AUH: variants seen among roughly 807,000 people sequenced by gnomAD.
AUH encodes methylglutaconyl-CoA hydratase, mitochondrial.
A neutral mutation model predicts 42.3 loss-of-function variants in AUH; 29 were observed. The ratio of observed to expected loss-of-function variants is 0.69; its 90% CI spans 0.51 to 0.93. The LOEUF (loss-of-function observed/expected upper bound fraction) is 0.93, where lower values mean the gene tolerates loss of function less well. Ranked by LOEUF, AUH falls within the 40% of genes least tolerant of loss-of-function variation. The probability of loss-of-function intolerance (pLI) is 0.00; values close to 1 mark genes in which losing one functional copy is unlikely to be tolerated. For synonymous variants in AUH, 174 were observed against 166.4 expected, an observed-to-expected ratio of 1.05 and a Z score of -0.35; for missense variants, 452 against 438.1, an observed-to-expected ratio of 1.03 and a Z score of -0.28.
At chr9:91,232,568 T>C (rs892477402) in intron 6 of AUH, among the ~76,000 whole-genome samples, 1 of 152,206 alleles carries the variant, frequency 6.6e-6, no homozygotes, top group East Asian at 1.9e-4. Context: ...AAAGGTACTA[T>C]GTGAAGTTTC....
At chr9:91,293,711 A>G (rs780863560) in intron 6 of AUH, among the ~76,000 whole-genome samples, 1 of 152,266 alleles carries the variant, frequency 6.6e-6, no homozygotes, top group Non-Finnish European at 1.5e-5. Flanking sequence ...AAGCTGCAGC[A>G]AATTATCCAG....
intron 1 of AUH, among the ~76,000 whole-genome samples, chr9:91,356,573 C>T (rs1832433174): frequency 6.6e-6 from 1 of 152,158 alleles, no homozygotes; most frequent in Non-Finnish European, 1.5e-5. Flanking sequence ...AAGCTTCTCT[C>T]CTGATTTCTG....
At position 91,331,290 on chromosome 9, in the gene AUH, T is replaced by C. The variant is rs114421512; in HGVS notation, c.419-5886A>G. ...GGTGACCATGTCACAATATTCGATG[T>C]CATAAATACCATTCTATTTGAGAAT... On this transcript the variant is annotated intron_variant, in intron 3 of 9. Coordinates refer to ENST00000375731, the MANE Select transcript of AUH (RefSeq NM_001698.3). Among the ~76,000 whole-genome samples, 148 of 152,372 alleles carry C rather than the reference T, an allele frequency of 9.7e-4. 1 individual carries two copies. Among genetic ancestry groups the C allele is most frequent in the African/African-American group, 3.4e-3 (140 of 41,584 alleles).
intron 9 of AUH, among the ~76,000 whole-genome samples, chr9:91,215,213 A>T (rs1455195688): frequency 6.6e-6 from 1 of 152,212 alleles, no homozygotes; most frequent in Non-Finnish European, 1.5e-5. Flanking sequence ...AAAGACAAAA[A>T]AGGGAAAACA....
At chr9:91,233,457 A>C (rs1828003760) in intron 6 of AUH, among the ~76,000 whole-genome samples, 1 of 152,194 alleles carries the variant, frequency 6.6e-6, no homozygotes, top group Admixed American at 6.5e-5. Context: ...ACAAGAAGCC[A>C]CTGAACATCT....
intron 3 of AUH, among the ~76,000 whole-genome samples, chr9:91,338,167 T>C (rs1587890799): frequency 6.6e-6 from 1 of 152,350 alleles, no homozygotes; most frequent in East Asian, 1.9e-4. Context: ...GATGTCACTT[T>C]TCCTCAAAGT....
Position 91,222,878 on chromosome 9 carries a change from T to A in AUH, c.656-1886A>T, listed in dbSNP as rs79856201. Among the ~76,000 whole-genome samples the A allele has an allele frequency of 3.9e-3, 600 of 152,332 alleles. 4 individuals are homozygous for A. The highest frequency in any genetic ancestry group is 0.01 in the Middle Eastern group (3 of 294). ...CACAATTAACAAATGTGACCCACAT[T>A]GTTAATGTCACACTTTTTATTCAAC... On this transcript the variant is annotated intron_variant, in intron 6 of 9. Transcript: ENST00000375731.
At position 91,221,255 on chromosome 9, in the gene AUH, A is replaced by C. The variant is rs2281921; in HGVS notation, c.656-263T>G. Among the ~76,000 whole-genome samples, 40,519 of 152,038 alleles carry C rather than the reference A, an allele frequency of 0.27. 6,185 individuals carry two copies. The highest frequency in any genetic ancestry group is 0.52 in the East Asian group (2,696 of 5,162). ...ATCACCTGCAACCTCTCTGGTATAC[A>C]CTGAGTCCAATCCACAGTCATCACC... On this transcript the variant is annotated intron_variant, in intron 6 of 9. Transcript: ENST00000375731.
At chr9:91,218,235 T>C (rs1428754860) in intron 7 of AUH, among the ~76,000 whole-genome samples, 1 of 152,234 alleles carries the variant, frequency 6.6e-6, no homozygotes, top group Non-Finnish European at 1.5e-5. Context: ...ATCTAAATTT[T>C]CTTCCAAATC....
chr9:91,307,775 T>A (rs1828345440), intron 4 of AUH, among the ~76,000 whole-genome samples: 1 of 152,206 alleles, frequency 6.6e-6, no homozygotes, highest in South Asian at 2.1e-4. Context: ...AAAAACAGTA[T>A]ATACAGGGTT....
At chr9:91,218,150 T>C (rs1056396131) in intron 7 of AUH, among the ~76,000 whole-genome samples, 1 of 152,226 alleles carries the variant, frequency 6.6e-6, no homozygotes, top group Admixed American at 6.5e-5. Context: ...CAAAGGACTC[T>C]TGGATGGTGA....
chr9:91,233,592 C>A (rs576688679), intron 6 of AUH, among the ~76,000 whole-genome samples: 1 of 152,110 alleles, frequency 6.6e-6, no homozygotes, highest in South Asian at 2.1e-4. Flanking sequence ...AGCATTGCAA[C>A]AGGAATGCGT....
intron 6 of AUH, among the ~76,000 whole-genome samples, chr9:91,233,613 C>T (rs1224324687): frequency 6.6e-6 from 1 of 152,114 alleles, no homozygotes; most frequent in African/African-American, 2.4e-5. Flanking sequence ...ATGCCATAAA[C>T]AATGTGTATA....
intron 1 of AUH, among the ~76,000 whole-genome samples, chr9:91,359,201 A>G (rs1034502236): frequency 4.6e-4 from 70 of 152,052 alleles, no homozygotes; most frequent in African/African-American, 1.7e-3. Context: ...GACTTTAAAA[A>G]CAAAACAAAA....
intron 6 of AUH, among the ~76,000 whole-genome samples, chr9:91,225,525 T>G (rs962037703): frequency 6.6e-6 from 1 of 152,140 alleles, no homozygotes; most frequent in African/African-American, 2.4e-5. Flanking sequence ...TCAGGATTCC[T>G]AAAGTGCCAG....
intron 6 of AUH, among the ~76,000 whole-genome samples, chr9:91,262,294 A>C (rs1829745490): frequency 6.6e-6 from 1 of 152,202 alleles, no homozygotes; most frequent in Non-Finnish European, 1.5e-5. Flanking sequence ...ATTTTGAATT[A>C]AATCTGCTTT....
At chr9:91,334,704 G>C (rs762169142) in intron 3 of AUH, among the ~76,000 whole-genome samples, 19 of 152,158 alleles carry the variant, frequency 1.2e-4, no homozygotes, top group Non-Finnish European at 2.4e-4. Context: ...TAGTGAATGA[G>C]AAATGGTAAT....
intron 3 of AUH, among the ~76,000 whole-genome samples, chr9:91,354,912 TCA>T (rs1832290372): frequency 6.6e-6 from 1 of 152,058 alleles, no homozygotes; most frequent in South Asian, 2.1e-4. Flanking sequence ...TATAAGTCTT[TCA>T]CATTGTTTAA....
intron 3 of AUH, among the ~76,000 whole-genome samples, chr9:91,340,074 G>GA (rs1016311202): frequency 6.6e-6 from 1 of 152,056 alleles, no homozygotes; most frequent in Non-Finnish European, 1.5e-5. Context: ...ACTAGAGAAA[G>GA]AAAAAACAAC....
Sources: gnomAD v4.1 joint callset for allele counts (sites outside exome capture counted in the v4.1 genomes callset) on GRCh38, gnomAD v4.1.1 for gene constraint, MANE v1.5 for transcripts, NCBI Gene and HGNC (gene_info 2026-07-23, HGNC 2026-07-21) for gene names.